The following SORCS1 variants were observed in gnomAD, a reference collection of about 807,000 sequenced individuals.
The protein encoded by SORCS1 is sortilin related VPS10 domain containing receptor 1.
A neutral mutation model predicts 146.1 loss-of-function variants in SORCS1; 60 were observed. The observed-to-expected ratio is 0.41, with a 90% CI of 0.33 to 0.51. The LOEUF (loss-of-function observed/expected upper bound fraction) is 0.51. SORCS1 is among the 20% of genes least tolerant of loss of function. The probability of loss-of-function intolerance (pLI) is 0.21; values close to 1 mark genes in which losing one functional copy is unlikely to be tolerated. For synonymous variants in SORCS1, 637 were observed against 584.0 expected (o/e 1.09, Z -1.31); for missense variants, 1,352 against 1,487.6 (o/e 0.91, Z 1.50).
At chr10:107,108,102 C>A (rs1289764401) in intron 1 of SORCS1, among the ~76,000 whole-genome samples, 1 of 152,098 alleles carries the variant, frequency 6.6e-6, no homozygotes, top group African/African-American at 2.4e-5. Flanking sequence ...CAGCTACAAC[C>A]CCTCTGAGCT....
At chr10:106,674,721 G>A (rs1241760977) in intron 14 of SORCS1, among the ~76,000 whole-genome samples, 3 of 152,152 alleles carry the variant, frequency 2.0e-5, no homozygotes, top group African/African-American at 7.2e-5. Flanking sequence ...ACTATGCTCT[G>A]ACTTAAAGCG....
At chr10:107,117,039 G>T (rs1339616269) in intron 1 of SORCS1, among the ~76,000 whole-genome samples, 1 of 152,024 alleles carries the variant, frequency 6.6e-6, no homozygotes, top group Admixed American at 6.6e-5. Flanking sequence ...GTTTAAAAAA[G>T]AAAATGAGAG....
intron 1 of SORCS1, among the ~76,000 whole-genome samples, chr10:107,112,682 AG>A (rs200940855): frequency 0.019 from 2,835 of 152,304 alleles, 36 homozygotes; most frequent in South Asian, 0.033. Flanking sequence ...GTAAAAAAAT[AG>A]AAAAAGGTAT....
chr10:106,738,274 G>T (rs186559573), intron 5 of SORCS1, among the ~76,000 whole-genome samples: 28 of 152,286 alleles, frequency 1.8e-4, no homozygotes, highest in Non-Finnish European at 3.8e-4. Context: ...AATTAATACA[G>T]CTGTACTATT....
At chr10:106,652,950 C>T (rs545034636) in intron 17 of SORCS1, among the ~76,000 whole-genome samples, 18 of 151,944 alleles carry the variant, frequency 1.2e-4, no homozygotes, top group Non-Finnish European at 1.6e-4. Context: ...TAATAAATAT[C>T]GCAAAGGAAT....
intron 5 of SORCS1, among the ~76,000 whole-genome samples, chr10:106,761,104 A>AAAAT (rs537373352): frequency 2.4e-3 from 364 of 152,166 alleles, no homozygotes; most frequent in Non-Finnish European, 4.0e-3. Flanking sequence ...GAGACTGTCT[A>AAAAT]AAATAAATAA....
chr10:106,577,872 A>C (rs1018847616), intron 25 of SORCS1: 1 of 239,110 alleles, frequency 4.2e-6, no homozygotes, highest in Non-Finnish European at 8.1e-6. Flanking sequence ...AAGAAAGTGC[A>C]CTGTGAAAAT....
At chr10:107,160,714 A>G (rs1400284280) in intron 1 of SORCS1, among the ~76,000 whole-genome samples, 1 of 152,262 alleles carries the variant, frequency 6.6e-6, no homozygotes. Context: ...TAACTCCGGC[A>G]TAAAAATATG....
chr10:106,697,083 G>A (rs890026081), intron 9 of SORCS1, among the ~76,000 whole-genome samples: 3 of 152,162 alleles, frequency 2.0e-5, no homozygotes, highest in Non-Finnish European at 4.4e-5. Context: ...GTCAAGGCAA[G>A]AAAATGCATG....
At chr10:106,896,382 T>C (rs935697245) in intron 2 of SORCS1, among the ~76,000 whole-genome samples, 6 of 149,378 alleles carry the variant, frequency 4.0e-5, no homozygotes, top group Admixed American at 2.0e-4. Context: ...TGAGCCAAGA[T>C]TGCGCCACTG....
chr10:106,690,821 G>A (rs1259291728), intron 9 of SORCS1, among the ~76,000 whole-genome samples: 2 of 152,082 alleles, frequency 1.3e-5, no homozygotes, highest in African/African-American at 4.8e-5. Context: ...TTAGGTTTTT[G>A]TGCTATTCAC....
chr10:106,687,838 A>G (rs1045804911), intron 10 of SORCS1, among the ~76,000 whole-genome samples: 1 of 152,216 alleles, frequency 6.6e-6, no homozygotes, highest in African/African-American at 2.4e-5. Flanking sequence ...TTTATGTATC[A>G]TTAGTTCTGC....
intron 1 of SORCS1, among the ~76,000 whole-genome samples, chr10:107,116,678 G>A (rs1393442692): frequency 6.6e-6 from 1 of 152,136 alleles, no homozygotes; most frequent in African/African-American, 2.4e-5. Context: ...GTTGATGTAA[G>A]GGTACAAAAT....
At chr10:106,773,367 C>T (rs945394097) in intron 4 of SORCS1, among the ~76,000 whole-genome samples, 2 of 152,238 alleles carry the variant, frequency 1.3e-5, no homozygotes, top group Admixed American at 6.5e-5. Flanking sequence ...CTTTTATTTC[C>T]GTATCACTGA....
chr10:106,608,324 T>A (rs930051481), intron 22 of SORCS1, among the ~76,000 whole-genome samples: 3 of 152,262 alleles, frequency 2.0e-5, no homozygotes, highest in Admixed American at 1.3e-4. Context: ...TTCCTGTGCA[T>A]GTTATCTCCA....
chr10:106,823,951 A>T (rs1370549541), intron 3 of SORCS1, among the ~76,000 whole-genome samples: 1 of 152,164 alleles, frequency 6.6e-6, no homozygotes, highest in Non-Finnish European at 1.5e-5. Flanking sequence ...ATGATACGTG[A>T]TTCTTCCTAA....
chr10:106,646,655 C>A (rs1468785415), intron 18 of SORCS1, among the ~76,000 whole-genome samples: 1 of 152,036 alleles, frequency 6.6e-6, no homozygotes, highest in Non-Finnish European at 1.5e-5. Flanking sequence ...TGAGATCTTG[C>A]CACTGCACTC....
rs543571193 is a variant in SORCS1 at position 106,662,847 on chromosome 10, G to T, written c.2303+4842C>A. Among the ~76,000 whole-genome samples the T allele has an allele frequency of 2.6e-5, 4 of 152,232 alleles. No individual in the cohort carries two copies. In the South Asian group the frequency reaches 8.3e-4, roughly 32 times the overall value. On this transcript the variant is annotated intron_variant, in intron 17 of 25. Transcript: ENST00000263054. ...CACTGGCATTTGAATTTTAAAGGAG[G>T]ACGGCACTTAATACAAATGAATCTC... is the stretch of plus-strand genomic sequence containing the variant.
intron 1 of SORCS1, among the ~76,000 whole-genome samples, chr10:106,985,028 A>G (rs939118506): frequency 1.3e-5 from 2 of 151,940 alleles, no homozygotes; most frequent in East Asian, 3.9e-4. Context: ...TCTCTACTGA[A>G]ATTACAAAAT....
Sources: allele counts gnomAD v4.1 joint callset (sites outside exome capture counted in the v4.1 genomes callset), GRCh38; gene constraint gnomAD v4.1.1; transcripts MANE v1.5; gene names NCBI Gene and HGNC (gene_info 2026-07-23, HGNC 2026-07-21).